The following IVD variants were observed in gnomAD, a reference collection of about 807,000 sequenced individuals.
IVD encodes the protein isovaleryl-CoA dehydrogenase.
A neutral mutation model predicts 51.3 loss-of-function variants in IVD; 31 were observed. That is an observed-to-expected ratio of 0.60 (90% CI 0.45 to 0.81). IVD has a LOEUF of 0.81. Among genes scored for constraint, IVD ranks in the 40% least tolerant of loss-of-function variants. The pLI is 0.00. For missense variants in IVD, 475 were observed against 552.0 expected (o/e 0.86, Z 1.40); for synonymous variants, 205 against 219.4 (o/e 0.93, Z 0.58).
intron 1 of IVD, among the ~76,000 whole-genome samples, 189 bp from the exon 2 acceptor site, chr15:40,407,447 C>T (rs963930671): frequency 6.6e-6 from 1 of 152,222 alleles, no homozygotes; most frequent in Non-Finnish European, 1.5e-5. Context: ...AAATTACCAT[C>T]AAGCTGTCTA....
chr15:40,416,573 T>C (rs1466087567), intron 11 of IVD, among the ~76,000 whole-genome samples: 2 of 151,942 alleles, frequency 1.3e-5, no homozygotes, highest in African/African-American at 4.8e-5. Flanking sequence ...GGTGCATGCC[T>C]GTAATCCCAG....
chr15:40,411,425 T>C, intron 5 of IVD, 72 bp downstream of exon 5: 4 of 1,595,852 alleles, frequency 2.5e-6, no homozygotes, highest in South Asian at 1.1e-5. Flanking sequence ...GGAGCAACAA[T>C]TGTGGGTGGC....
downstream of IVD, among the ~76,000 whole-genome samples, chr15:40,426,917 C>A (rs558500213): frequency 6.6e-6 from 1 of 152,296 alleles, no homozygotes; most frequent in Admixed American, 6.5e-5. Context: ...GGGCGACGGG[C>A]TGGGGAGATG....
chr15:40,433,768 T>C (rs1893112915), intron 7 of IVD: 1 of 435,832 alleles, frequency 2.3e-6, no homozygotes, highest in Admixed American at 2.5e-5. Context: ...AACTACTATT[T>C]GCCAGGTATC....
rs1198521230 is a variant in IVD at position 40,435,541 on chromosome 15, C to CCG, written c.908_909dup (p.Val304AlafsTer?). 1.1e-5 allele frequency: 13 copies of CCG among 1,198,290 alleles called. No individual in the cohort carries two copies. Among genetic ancestry groups the CCG allele is most frequent in the Non-Finnish European group, 1.3e-5 (12 of 935,242 alleles). 74.2% of individuals were successfully genotyped at this position (1,198,290 alleles called of 1,614,324 possible). Reference sequence around the variant, plus strand: ...AGATCCTCCTGCCTGAACTCACACCCCGCGTGCTGCTCCCCCAACTCGCCT... The same window carrying CCG: ...AGATCCTCCTGCCTGAACTCACACCCCGCGCGTGCTGCTCCCCCAACTCGCCT... On this transcript the variant is annotated frameshift_variant, in exon 9 of 9. Transcript: ENST00000473112. LOFTEE classifies it high-confidence loss of function.
At chr15:40,423,109 T>G (rs959918928), downstream of IVD, among the ~76,000 whole-genome samples, 4 of 151,858 alleles carry the variant, frequency 2.6e-5, no homozygotes, top group Admixed American at 1.3e-4. Flanking sequence ...AGACTAATTT[T>G]TGTATTTTTT....
Position 40,418,178 on chromosome 15 carries a change from A to G in IVD, c.1187A>G (p.Asp396Gly). The G allele has an allele frequency of 6.2e-7, 1 of 1,614,214 alleles. No individual in the cohort carries two copies. The highest frequency in any genetic ancestry group is 1.1e-5 in the South Asian group (1 of 91,086). The stretch of plus-strand genomic sequence containing the variant: ...TTTCCCATGGGCCGCTTTCTTCGAG[A>G]TGCCAAGCTGTATGAGATAGGGGCT... ...NDFPMGRFLR[D>G]AKLYEIGAGT... Residue 396 changes from aspartate to glycine, a missense_variant, in exon 12 of 12, where the codon GAT becomes GGT. By Grantham distance (94) the Asp-to-Gly change is moderately conservative. Coordinates refer to ENST00000487418, the MANE Select transcript of IVD (RefSeq NM_002225.5).
Position 40,411,297 on chromosome 15 carries a change from G to A in IVD, c.494G>A (p.Ser165Asn). Reference protein sequence around the residue: ...SGEYIGALAMSEPNAGSDVVS... With the variant: ...SGEYIGALAMNEPNAGSDVVS... ...GAGTACATCGGAGCCCTGGCCATGA[G>A]TGAGCCCAATGCAGGCTCTGATGTT... The change falls in exon 5 of 12, where the codon AGT becomes AAT. Residue 165 changes from serine (S) to asparagine (N), a missense_variant. Ser to Asn is a conservative substitution (Grantham distance 46). Transcript: ENST00000487418. 1 of 1,614,200 alleles carries A rather than the reference G, an allele frequency of 6.2e-7. No individual in the cohort carries two copies.
intron 6 of IVD, 105 bp downstream of exon 6, chr15:40,411,796 C>A: frequency 1.4e-6 from 2 of 1,380,756 alleles, no homozygotes; most frequent in Non-Finnish European, 2.0e-6. Flanking sequence ...GTGTGCTCTG[C>A]AAGGCCCCCA....
At chr15:40,406,774 C>A (rs538991859) in intron 1 of IVD, among the ~76,000 whole-genome samples, 1 of 152,112 alleles carries the variant, frequency 6.6e-6, no homozygotes, top group Non-Finnish European at 1.5e-5. Context: ...AGCCAGCGAG[C>A]GCTCAGAGCT....
intron 1 of IVD, chr15:40,406,404 A>G: frequency 9.1e-6 from 11 of 1,210,242 alleles, no homozygotes; most frequent in Non-Finnish European, 1.2e-5. Flanking sequence ...TCTTTTTTGT[A>G]TAAACAGTTT....
rs752049773 is a variant in IVD at position 40,407,929 on chromosome 15, C to T, written c.235-10C>T. ...AACACTTATTCCACTCTGCTCCATT[C>T]TGTTGGCAGGAATTTTGGAAGCAGC... is the stretch of plus-strand genomic sequence containing the variant. On this transcript the variant is annotated splice_polypyrimidine_tract_variant and intron_variant, in intron 2 of 11. Coordinates refer to ENST00000487418, the MANE Select transcript of IVD (RefSeq NM_002225.5). 1 of 1,613,972 alleles carries T rather than the reference C, an allele frequency of 6.2e-7. No homozygotes were observed. The highest frequency in any genetic ancestry group is 1.1e-5 in the South Asian group (1 of 91,076).
At chr15:40,427,068 A>G (rs1892712021), downstream of IVD, among the ~76,000 whole-genome samples, 1 of 152,172 alleles carries the variant, frequency 6.6e-6, no homozygotes, top group Admixed American at 6.5e-5. Context: ...TTTCTTGAAG[A>G]AAAAAAGGTA....
intron 10 of IVD, 51 bp from the exon 11 acceptor site, chr15:40,416,239 T>A: frequency 6.2e-7 from 1 of 1,611,918 alleles, no homozygotes; most frequent in Non-Finnish European, 8.5e-7. Context: ...TGCTGAGACT[T>A]GCTGTCTGCG....
In IVD at chr15:40,419,122, GCAAAACTCTT is replaced by G. The variant is rs2141379006; in HGVS notation, c.*865_*874del. ...TTGCACTCCAGCCTGGGCGACAAGA[GCAAAACTCTT>G]CAAAAAACAAAACAAAACAAAAAAA... On this transcript the variant is annotated 3_prime_UTR_variant, in exon 12 of 12. Transcript: ENST00000487418. The G allele has an allele frequency of 7.8e-7, 1 of 1,286,192 alleles. No individual in the cohort carries two copies. The highest frequency in any genetic ancestry group is 1.0e-6 in the Non-Finnish European group (1 of 986,244). 79.7% of individuals were successfully genotyped at this position (1,286,192 alleles called of 1,614,324 possible). A position where few individuals can be genotyped will look rare whatever the true frequency, so the allele number is the denominator to read the frequency against.
chr15:40,411,001 A>G (rs1024948625), intron 4 of IVD, among the ~76,000 whole-genome samples: 36 of 152,228 alleles, frequency 2.4e-4, no homozygotes, highest in Admixed American at 1.4e-3. Flanking sequence ...GCATTGAACA[A>G]CAGACAGACA....
At chr15:40,429,587 T>A (rs1892857678) in intron 7 of IVD, among the ~76,000 whole-genome samples, 3 of 152,180 alleles carry the variant, frequency 2.0e-5, no homozygotes. Flanking sequence ...TCCAAATAAA[T>A]ACTTGCATAA....
At chr15:40,421,992 G>A (rs148620511), downstream of IVD, among the ~76,000 whole-genome samples, 2 of 152,330 alleles carry the variant, frequency 1.3e-5, no homozygotes, top group East Asian at 3.9e-4. Context: ...CCCAGCCTAG[G>A]GCAGGTCCAG....
intron 1 of IVD, 172 bp downstream of exon 1, chr15:40,406,143 C>G: frequency 6.5e-7 from 1 of 1,539,122 alleles, no homozygotes; most frequent in Non-Finnish European, 8.8e-7. Flanking sequence ...GACCTCGGGT[C>G]CAGTCCTCTG....
Sources: allele counts gnomAD v4.1 joint callset (sites outside exome capture counted in the v4.1 genomes callset), GRCh38; gene constraint gnomAD v4.1.1; transcripts MANE v1.5; gene names NCBI Gene and HGNC (gene_info 2026-07-23, HGNC 2026-07-21).